The following TMC5 variants were observed in gnomAD, a reference collection of about 807,000 sequenced individuals.
TMC5 encodes the protein transmembrane channel-like protein 5.
Under a neutral mutation model 110.5 loss-of-function variants are expected in TMC5, and 86 were observed. That is an observed-to-expected ratio of 0.78 (90% CI 0.65 to 0.93). The LOEUF (loss-of-function observed/expected upper bound fraction) is 0.93, where lower values mean the gene tolerates loss of function less well. TMC5 is among the 40% of genes least tolerant of loss of function. TMC5 has a pLI of 0.00. For synonymous variants in TMC5, 455 were observed against 439.5 expected (o/e 1.04, Z -0.44); for missense variants, 1,144 against 1,222.8 (o/e 0.94, Z 0.96).
chr16:19,449,591 C>G lies in TMC5; in HGVS notation c.1008C>G (p.Asn336Lys). ...GTGGTCCTGTCCATGCTTATGGAAA[C>G]CCACCATTGTCTGAATGTGATTGGC... ...GESGPVHAYG[N>K]PPLSECDWHK... The change falls in exon 5 of 22, where the codon AAC becomes AAG. Residue 336 changes from asparagine to lysine, a missense_variant. By Grantham distance (94) the Asn-to-Lys change is moderately conservative. Coordinates refer to ENST00000542583, the MANE Select transcript of TMC5 (RefSeq NM_001261841.2). The G allele has an allele frequency of 6.2e-7, 1 of 1,614,170 alleles. No homozygotes were observed. Among genetic ancestry groups the G allele is most frequent in the Non-Finnish European group, 8.5e-7 (1 of 1,180,034 alleles).
In TMC5 at chr16:19,457,709, C is replaced by CTTTTTTTTTTTTTTTTTT. The variant is rs573979829; in HGVS notation, c.1049-2509_1049-2492dup. Among the ~76,000 whole-genome samples, 29 of 43,906 alleles carry CTTTTTTTTTTTTTTTTTT rather than the reference C, an allele frequency of 6.6e-4. 12 individuals are homozygous for CTTTTTTTTTTTTTTTTTT. The highest frequency in any genetic ancestry group is 1.4e-3 in the Non-Finnish European group (27 of 18,950). 28.8% of individuals were successfully genotyped at this position (43,906 alleles called of 152,430 possible). ...TCTATCTGATTCCCAAGACTACATT[C>CTTTTTTTTTTTTTTTTTT]TTTTTTTTTTTTTTTTTTTTTTTTT... On this transcript the variant is annotated intron_variant, in intron 5 of 21. Transcript: ENST00000542583.
intron 18 of TMC5, among the ~76,000 whole-genome samples, chr16:19,491,890 T>G (rs55839016): frequency 0.53 from 81,120 of 151,996 alleles, 23,778 homozygotes; most frequent in South Asian, 0.73. Flanking sequence ...TACCTGCTTT[T>G]CTCCTCTTAA....
At chr16:19,466,719 C>T (rs1024256131) in intron 9 of TMC5, among the ~76,000 whole-genome samples, 1 of 152,146 alleles carries the variant, frequency 6.6e-6, no homozygotes, top group Non-Finnish European at 1.5e-5. Context: ...GGAGTTTGGA[C>T]AGAGGAAGAG....
chr16:19,437,545 T>C (rs116349829), intron 2 of TMC5, among the ~76,000 whole-genome samples: 149 of 152,358 alleles, frequency 9.8e-4, no homozygotes, highest in African/African-American at 3.0e-3. Flanking sequence ...GTTAATATTA[T>C]CGTAGCTCTG....
At position 19,463,935 on chromosome 16, in the gene TMC5, C is replaced by G. The variant is rs1321749596; in HGVS notation, c.1396C>G (p.Leu466Val). 6.2e-7 allele frequency: 1 copy of G among 1,614,130 alleles called. No individual in the cohort carries two copies. Among genetic ancestry groups the G allele is most frequent in the African/African-American group, 1.3e-5 (1 of 75,002 alleles). The change falls in exon 8 of 22, where the codon CTG becomes GTG. Residue 466 changes from leucine to valine, a missense_variant. Transcript: ENST00000542583. Reference protein sequence around the residue: ...LLKFNIFSFILNFSFIIIPQF... With the variant: ...LLKFNIFSFIVNFSFIIIPQF... ...GAAGTTCAACATTTTCTCATTCATC[C>G]TGAACTTCAGCTTCATCATAATCCC...
chr16:19,449,644 G>T lies in TMC5; in HGVS notation c.1048+13G>T. The T allele has an allele frequency of 6.2e-7, 1 of 1,611,304 alleles. No individual in the cohort carries two copies. Among genetic ancestry groups the T allele is most frequent in the African/African-American group, 1.3e-5 (1 of 74,970 alleles). ...AAGTCACCCCAAGGTAAGTGATATG[G>T]TTTGGCTCTGTGTCCCCACCCAACT... is the stretch of plus-strand genomic sequence containing the variant. On this transcript the variant is annotated intron_variant, in intron 5 of 21. Coordinates refer to ENST00000542583, the MANE Select transcript of TMC5 (RefSeq NM_001261841.2).
chr16:19,497,244 T>C, intron 21 of TMC5, 81 bp downstream of exon 21: 22 of 1,441,150 alleles, frequency 1.5e-5, no homozygotes, highest in Non-Finnish European at 2.1e-5. Context: ...GAATTGCTCA[T>C]GTGTCCATTA....
chr16:19,434,100 A>G (rs1597165303), intron 2 of TMC5, among the ~76,000 whole-genome samples: 1 of 23,216 alleles, frequency 4.3e-5, no homozygotes, highest in African/African-American at 2.9e-4. Context: ...TATCTATAAT[A>G]TATATATTAT....
chr16:19,444,024 G>A lies in TMC5; in HGVS notation c.789-57G>A, dbSNP rs547587249. 7 of 1,164,592 alleles carry A rather than the reference G, an allele frequency of 6.0e-6. No homozygotes were observed. In the African/African-American group the frequency reaches 8.8e-5, roughly 15 times the overall value. The allele number at this position is 1,164,592 out of a possible 1,614,324, so 72.1% of individuals were successfully genotyped here. ...GGATGGATGGATGGATGGATGGATG[G>A]ATGACAATCCTTACTATACTCTTGG... On this transcript the variant is annotated intron_variant, in intron 3 of 21. Coordinates refer to ENST00000542583, the MANE Select transcript of TMC5 (RefSeq NM_001261841.2).
At chr16:19,418,713 T>C (rs1169563416) in intron 1 of TMC5, among the ~76,000 whole-genome samples, 1 of 146,056 alleles carries the variant, frequency 6.8e-6, no homozygotes, top group African/African-American at 2.5e-5. Flanking sequence ...CTTCCTCTGA[T>C]AAGTGATTTT....
intron 2 of TMC5, among the ~76,000 whole-genome samples, chr16:19,436,769 A>G (rs146459759): frequency 1.3e-5 from 2 of 152,262 alleles, no homozygotes; most frequent in Admixed American, 6.5e-5. Context: ...ACATCTGACA[A>G]TGTCATCAAC....
chr16:19,489,959 T>A (rs1968846071), intron 17 of TMC5, among the ~76,000 whole-genome samples: 1 of 151,968 alleles, frequency 6.6e-6, no homozygotes, highest in African/African-American at 2.4e-5. Flanking sequence ...CAGCTAATTA[T>A]TTTTTTGTAG....
At chr16:19,431,661 T>G (rs1967200027) in intron 2 of TMC5, among the ~76,000 whole-genome samples, 1 of 152,116 alleles carries the variant, frequency 6.6e-6, no homozygotes, top group Non-Finnish European at 1.5e-5. Context: ...CAATTTGCTG[T>G]TTTGTAAGGC....
intron 3 of TMC5, among the ~76,000 whole-genome samples, chr16:19,441,148 G>C (rs1967479726): frequency 6.6e-6 from 1 of 152,070 alleles, no homozygotes; most frequent in Admixed American, 6.6e-5. Flanking sequence ...TAGCCAACAA[G>C]GTTAAGACTT....
chr16:19,424,111 G>T (rs1967041334), intron 1 of TMC5, among the ~76,000 whole-genome samples: 1 of 152,078 alleles, frequency 6.6e-6, no homozygotes, highest in African/African-American at 2.4e-5. Context: ...GAACCCACAG[G>T]TTAAGGGCTC....
At chr16:19,465,822 T>A (rs1194237479) in intron 8 of TMC5, among the ~76,000 whole-genome samples, 1 of 152,226 alleles carries the variant, frequency 6.6e-6, no homozygotes, top group Non-Finnish European at 1.5e-5. Context: ...GTCGTGTTCT[T>A]GCTGATGTTT....
Position 19,460,264 on chromosome 16 carries a change from A to G in TMC5, c.1078A>G (p.Met360Val), listed in dbSNP as rs2143565780. 1.9e-6 allele frequency: 3 copies of G among 1,613,614 alleles called. No individual in the cohort carries two copies. The highest frequency in any genetic ancestry group is 8.5e-7 in the Non-Finnish European group (1 of 1,179,666). Residue 360 changes from methionine to valine, a missense_variant, in exon 6 of 22, where the codon ATG becomes GTG. Met to Val is a conservative substitution (Grantham distance 21, BLOSUM62 1). Coordinates refer to ENST00000542583, the MANE Select transcript of TMC5 (RefSeq NM_001261841.2). ...GAAGTTAATCGCATCCCTTATACCC[A>G]TGACATCCAGAGACAGAATTAAAGC... ...GQKLIASLIP[M>V]TSRDRIKAIR...
chr16:19,431,496 C>T (rs1271035763), intron 2 of TMC5, among the ~76,000 whole-genome samples: 6 of 150,662 alleles, frequency 4.0e-5, no homozygotes, highest in South Asian at 2.1e-4. Context: ...GAGCCGAGAT[C>T]GTGCCATTGC....
Position 19,444,110 on chromosome 16 carries a change from C to T in TMC5, c.818C>T (p.Pro273Leu), listed in dbSNP as rs769797147. 6.2e-7 allele frequency: 1 copy of T among 1,613,986 alleles called. No individual in the cohort carries two copies. Among genetic ancestry groups the T allele is most frequent in the Non-Finnish European group, 8.5e-7 (1 of 1,179,938 alleles). ...GVLSRTSSIQPSFRHRSDDPV... is the reference protein window; with the variant it reads ...GVLSRTSSIQLSFRHRSDDPV... ...CTCAGCAGAACATCTTCAATCCAGCCCTCATTTCGTCACAGGAGTGATGAC... is the reference window on the plus strand; with the variant it reads ...CTCAGCAGAACATCTTCAATCCAGCTCTCATTTCGTCACAGGAGTGATGAC... The change falls in exon 4 of 22, where the codon CCC becomes CTC. Residue 273 changes from proline (P) to leucine (L), a missense_variant. By Grantham distance (98) the Pro-to-Leu change is moderately conservative. Coordinates refer to ENST00000542583, the MANE Select transcript of TMC5 (RefSeq NM_001261841.2).
Sources: allele counts gnomAD v4.1 joint callset (sites outside exome capture counted in the v4.1 genomes callset), GRCh38; gene constraint gnomAD v4.1.1; transcripts MANE v1.5; gene names NCBI Gene and HGNC (gene_info 2026-07-23, HGNC 2026-07-21).